UBE2E3: variants seen among roughly 807,000 people sequenced by gnomAD.
UBE2E3 encodes the protein ubiquitin-conjugating enzyme E2 E3.
UBE2E3 carries 5 observed loss-of-function variants against 23.6 expected under a neutral mutation model. The ratio of observed to expected loss-of-function variants is 0.21; its 90% CI spans 0.11 to 0.44. The LOEUF (loss-of-function observed/expected upper bound fraction) is 0.44, where lower values mean the gene tolerates loss of function less well. Among genes scored for constraint, UBE2E3 ranks in the 20% least tolerant of loss-of-function variants. The pLI, the probability that UBE2E3 is intolerant of heterozygous loss-of-function variation, is 0.99. For missense variants in UBE2E3, 81 were observed against 249.8 expected (o/e 0.32, Z 4.55); for synonymous variants, 78 against 87.5 (o/e 0.89, Z 0.60).
intron 3 of UBE2E3, chr2:180,989,789 A>G (rs569414305): frequency 2.1e-4 from 276 of 1,329,080 alleles, no homozygotes; most frequent in South Asian, 1.6e-3. Context: ...ACATGCTCAC[A>G]TAACCAGTCA....
chr2:180,986,456 C>T (rs1300032167), intron 3 of UBE2E3, among the ~76,000 whole-genome samples: 1 of 152,014 alleles, frequency 6.6e-6, no homozygotes, highest in Non-Finnish European at 1.5e-5. Context: ...AGAACTTTGA[C>T]AAATAAAAAG....
chr2:181,012,036 C>T (rs1685344844), intron 3 of UBE2E3, among the ~76,000 whole-genome samples: 1 of 152,110 alleles, frequency 6.6e-6, no homozygotes, highest in African/African-American at 2.4e-5. Flanking sequence ...CCGCTTTGCT[C>T]TACTGCAAGG....
At chr2:181,017,247 A>G (rs1685522105) in intron 3 of UBE2E3, among the ~76,000 whole-genome samples, 1 of 152,108 alleles carries the variant, frequency 6.6e-6, no homozygotes, top group Non-Finnish European at 1.5e-5. Context: ...AAAGTGGGAT[A>G]CAGTGGTCAA....
intron 3 of UBE2E3, among the ~76,000 whole-genome samples, chr2:181,048,173 C>T (rs1047694792): frequency 3.9e-5 from 6 of 152,090 alleles, no homozygotes; most frequent in South Asian, 2.1e-4. Flanking sequence ...AACATTTCCC[C>T]GGCATTCAAC....
chr2:181,029,326 G>A (rs1226482951), intron 3 of UBE2E3, among the ~76,000 whole-genome samples: 1 of 152,036 alleles, frequency 6.6e-6, no homozygotes, highest in African/African-American at 2.4e-5. Context: ...AAATTCCTTG[G>A]AAAAGTATTC....
intron 3 of UBE2E3, among the ~76,000 whole-genome samples, chr2:180,992,786 C>G (rs140647284): frequency 2.0e-5 from 3 of 152,226 alleles, no homozygotes; most frequent in Non-Finnish European, 4.4e-5. Flanking sequence ...CTCAGCCTCC[C>G]GAGTAGCTGG....
chr2:181,009,990 A>G lies in UBE2E3; in HGVS notation c.245+25897A>G, dbSNP rs141851450. Among the ~76,000 whole-genome samples the G allele has an allele frequency of 3.0e-3, 457 of 152,118 alleles. 1 individual carries two copies. The highest frequency in any genetic ancestry group is 4.6e-3 in the Non-Finnish European group (311 of 67,980). On this transcript the variant is annotated intron_variant, in intron 3 of 5. Coordinates refer to ENST00000410062, the MANE Select transcript of UBE2E3 (RefSeq NM_006357.4). ...GTGTATTTGTATTTTGATATTTTAA[A>G]TACTATTTCTGCTTTGTTTTATGCT...
At chr2:181,059,385 G>C (rs1687068537) in intron 4 of UBE2E3, among the ~76,000 whole-genome samples, 2 of 151,684 alleles carry the variant, frequency 1.3e-5, no homozygotes, top group Admixed American at 1.3e-4. Context: ...TATGTATTGA[G>C]CAGTAACGTC....
At chr2:181,023,358 A>G (rs1226684032) in intron 3 of UBE2E3, among the ~76,000 whole-genome samples, 1 of 152,220 alleles carries the variant, frequency 6.6e-6, no homozygotes, top group Non-Finnish European at 1.5e-5. Context: ...TTCATAGTAA[A>G]TAGAACATCC....
intron 3 of UBE2E3, among the ~76,000 whole-genome samples, chr2:181,012,940 C>G (rs562518740): frequency 6.6e-6 from 1 of 152,252 alleles, no homozygotes; most frequent in East Asian, 1.9e-4. Context: ...AAAGTCAGGC[C>G]TTGTCCACTC....
chr2:181,004,863 T>G (rs756102976), intron 3 of UBE2E3, among the ~76,000 whole-genome samples: 11 of 152,216 alleles, frequency 7.2e-5, no homozygotes, highest in Non-Finnish European at 1.5e-4. Context: ...AAATGTAATT[T>G]TGAATGCTAG....
Position 181,021,477 on chromosome 2 carries a change from TTC to T in UBE2E3, c.246-36204_246-36203del, listed in dbSNP as rs565332415. ...CCTCTCTCTTTCTTTTTCTCTTTCT[TTC>T]TCTCTCTCTCTTCCTTTCCTTTCCT... On this transcript the variant is annotated intron_variant, in intron 3 of 5. Coordinates refer to ENST00000410062, the MANE Select transcript of UBE2E3 (RefSeq NM_006357.4). Among the ~76,000 whole-genome samples the T allele has an allele frequency of 7.8e-4, 104 of 132,882 alleles. No individual in the cohort carries two copies. In the South Asian group the frequency reaches 9.6e-3, roughly 12 times the overall value. 87.2% of individuals were successfully genotyped at this position (132,882 alleles called of 152,430 possible). A position where few individuals can be genotyped will look rare whatever the true frequency, so the allele number is the denominator to read the frequency against.
At chr2:180,999,259 G>A (rs1469145722) in intron 3 of UBE2E3, among the ~76,000 whole-genome samples, 1 of 152,120 alleles carries the variant, frequency 6.6e-6, no homozygotes, top group East Asian at 1.9e-4. Context: ...TCCACAGTAG[G>A]CTAAAGAAGA....
chr2:181,062,130 C>T (rs142498665), intron 5 of UBE2E3, among the ~76,000 whole-genome samples: 2 of 151,526 alleles, frequency 1.3e-5, no homozygotes, highest in African/African-American at 4.8e-5. Context: ...CAATTGTTTG[C>T]CAGGGAAAGA....
intron 3 of UBE2E3, among the ~76,000 whole-genome samples, chr2:181,056,916 A>G (rs1687004688): frequency 6.6e-6 from 1 of 151,776 alleles, no homozygotes; most frequent in Admixed American, 6.6e-5. Flanking sequence ...CAAATGTGAT[A>G]CCATGAGAAG....
At chr2:180,998,841 C>T (rs1684910658) in intron 3 of UBE2E3, among the ~76,000 whole-genome samples, 1 of 152,130 alleles carries the variant, frequency 6.6e-6, no homozygotes, top group South Asian at 2.1e-4. Context: ...AACGGCAGTT[C>T]CTTCAGATAA....
intron 3 of UBE2E3, among the ~76,000 whole-genome samples, chr2:181,023,143 A>G (rs1023060755): frequency 6.6e-6 from 1 of 152,204 alleles, no homozygotes; most frequent in African/African-American, 2.4e-5. Context: ...CGCCCCAATA[A>G]ACCCATCCTA....
At chr2:181,022,104 A>T (rs2105628338) in intron 3 of UBE2E3, among the ~76,000 whole-genome samples, 1 of 152,328 alleles carries the variant, frequency 6.6e-6, no homozygotes, top group South Asian at 2.1e-4. Context: ...GTAATATTGG[A>T]AAGTAAATGG....
chr2:181,000,704 A>G (rs983105750), intron 3 of UBE2E3, among the ~76,000 whole-genome samples: 1 of 151,882 alleles, frequency 6.6e-6, no homozygotes, highest in South Asian at 2.1e-4. Context: ...ACAGGCGCCC[A>G]CCACCACACC....
Sources: allele counts gnomAD v4.1 joint callset (sites outside exome capture counted in the v4.1 genomes callset), GRCh38; gene constraint gnomAD v4.1.1; transcripts MANE v1.5; gene names NCBI Gene and HGNC (gene_info 2026-07-23, HGNC 2026-07-21).